Variants in PELI2 observed in about 807,000 individuals in gnomAD.
PELI2 encodes pellino E3 ubiquitin protein ligase family member 2, also known as E3 ubiquitin-protein ligase pellino homolog 2.
PELI2 carries 23 observed loss-of-function variants against 42.3 expected under a neutral mutation model. The ratio of observed to expected loss-of-function variants is 0.54; its 90% CI spans 0.39 to 0.77. The LOEUF (loss-of-function observed/expected upper bound fraction) is 0.77, where lower values mean the gene tolerates loss of function less well. Ranked by LOEUF, PELI2 falls within the 30% of genes least tolerant of loss-of-function variation. PELI2 has a pLI of 0.00. For missense variants in PELI2, 463 were observed against 553.2 expected (o/e 0.84, Z 1.64); for synonymous variants, 245 against 212.2 (o/e 1.15, Z -1.34).
intron 2 of PELI2, among the ~76,000 whole-genome samples, chr14:56,246,158 C>T (rs979099949): frequency 3.3e-5 from 5 of 152,130 alleles, no homozygotes; most frequent in African/African-American, 1.2e-4. Flanking sequence ...CTGGTGCGTT[C>T]TCCATGTACT....
chr14:56,286,484 T>C (rs1375049865), intron 3 of PELI2, among the ~76,000 whole-genome samples: 5 of 152,176 alleles, frequency 3.3e-5, no homozygotes, highest in African/African-American at 9.7e-5. Context: ...TTTAACATGC[T>C]GAATGGAGCA....
chr14:56,270,288 C>T (rs552944029), intron 2 of PELI2, among the ~76,000 whole-genome samples: 9 of 152,280 alleles, frequency 5.9e-5, no homozygotes, highest in East Asian at 5.8e-4. Flanking sequence ...GCCATGGTTC[C>T]GGCGCTTGTT....
intron 1 of PELI2, among the ~76,000 whole-genome samples, chr14:56,174,155 G>A (rs541944493): frequency 1.3e-5 from 2 of 152,124 alleles, no homozygotes; most frequent in Non-Finnish European, 1.5e-5. Flanking sequence ...CACCCGCCTC[G>A]GCCTCCCAAA....
rs137902572 is a variant in PELI2 at position 56,167,041 on chromosome 14, A to G, written c.78-11294A>G. On this transcript the variant is annotated intron_variant, in intron 1 of 5. Transcript: ENST00000267460. ...CCTGACCTCATGATCCGCCCGCCTC[A>G]GCCTCCCAAAATGCTGGGATTACAG... is the stretch of plus-strand genomic sequence containing the variant. Among the ~76,000 whole-genome samples, 1,189 of 152,238 alleles carry G rather than the reference A, an allele frequency of 7.8e-3. 17 individuals carry two copies. Among genetic ancestry groups the G allele is most frequent in the African/African-American group, 0.027 (1,112 of 41,548 alleles).
At chr14:56,292,916 A>G (rs895914461) in intron 5 of PELI2, 8 of 658,062 alleles carry the variant, frequency 1.2e-5, no homozygotes, top group Non-Finnish European at 1.5e-5. Context: ...ATTTAATTAA[A>G]TTATATATGA....
intron 1 of PELI2, among the ~76,000 whole-genome samples, chr14:56,130,653 G>A (rs1883451653): frequency 6.6e-6 from 1 of 151,914 alleles, no homozygotes; most frequent in Non-Finnish European, 1.5e-5. Flanking sequence ...AAAATTAAAT[G>A]TCTGTTTTTG....
chr14:56,279,789 C>T lies in PELI2; in HGVS notation c.309+12C>T. 7.0e-7 allele frequency: 1 copy of T among 1,424,032 alleles called. No individual in the cohort carries two copies. The highest frequency in any genetic ancestry group is 1.2e-5 in the South Asian group (1 of 81,226). 88.2% of individuals were successfully genotyped at this position (1,424,032 alleles called of 1,614,324 possible). On this transcript the variant is annotated intron_variant, in intron 3 of 5. Coordinates refer to ENST00000267460, the MANE Select transcript of PELI2 (RefSeq NM_021255.3). ...CGGATATGTTTCAGGTAATATTTTT[C>T]TTTTTTAATAGAAATTTTAGCACGT...
intron 2 of PELI2, among the ~76,000 whole-genome samples, chr14:56,235,097 T>C (rs12886482): frequency 0.4 from 61,242 of 151,976 alleles, 13,060 homozygotes; most frequent in South Asian, 0.53. Context: ...TCATCTCTAC[T>C]TCAAAGTTTA....
chr14:56,251,437 G>A (rs978344038), intron 2 of PELI2, among the ~76,000 whole-genome samples: 2 of 152,208 alleles, frequency 1.3e-5, no homozygotes, highest in Non-Finnish European at 2.9e-5. Context: ...AAGTGTTCTA[G>A]TACGCGAAGC....
chr14:56,209,502 A>T (rs11158080), intron 2 of PELI2, among the ~76,000 whole-genome samples: 61,284 of 152,038 alleles, frequency 0.4, 13,056 homozygotes, highest in South Asian at 0.53. Flanking sequence ...CTTCCAGTAA[A>T]TTGTTTTCAT....
At chr14:56,123,930 G>A (rs1420242954) in intron 1 of PELI2, among the ~76,000 whole-genome samples, 6 of 152,200 alleles carry the variant, frequency 3.9e-5, no homozygotes, top group South Asian at 2.1e-4. Context: ...ATATGGGGTT[G>A]TAGGTTGGCT....
intron 1 of PELI2, among the ~76,000 whole-genome samples, chr14:56,153,970 A>G (rs1241747131): frequency 2.0e-5 from 3 of 152,226 alleles, no homozygotes. Flanking sequence ...ATACTGTACC[A>G]TTAGAAATTA....
intron 1 of PELI2, among the ~76,000 whole-genome samples, chr14:56,119,477 C>T (rs1447654071): frequency 6.6e-6 from 1 of 152,130 alleles, no homozygotes; most frequent in African/African-American, 2.4e-5. Context: ...TCGCTGATGC[C>T]CTCCCGGCTG....
rs560644863 is a variant in PELI2 at position 56,279,750 on chromosome 14, A to T, written c.282A>T (p.Thr94=). The T allele has an allele frequency of 7.5e-6, 12 of 1,591,156 alleles. No homozygotes were observed. In the East Asian group the frequency reaches 2.0e-4, roughly 27 times the overall value. The stretch of plus-strand genomic sequence containing the variant: ...ATCAGACTGTGGTGGTGGAGTACAC[A>T]CATGATAAGGATACGGATATGTTTC... ...SRNQTVVVEY[T]HDKDTDMFQV... The change falls in exon 3 of 6, where the codon ACA becomes ACT. Residue 94 remains threonine (T), a synonymous_variant. Transcript: ENST00000267460.
At chr14:56,188,502 TG>T (rs1429619729) in intron 2 of PELI2, among the ~76,000 whole-genome samples, 1 of 152,246 alleles carries the variant, frequency 6.6e-6, no homozygotes, top group African/African-American at 2.4e-5. Context: ...ATTGAAAACT[TG>T]GTTTTTAGCC....
intron 1 of PELI2, among the ~76,000 whole-genome samples, chr14:56,135,191 G>A (rs1460622763): frequency 2.0e-5 from 3 of 152,172 alleles, no homozygotes; most frequent in African/African-American, 7.2e-5. Context: ...GTGTGCTGCC[G>A]CGTGAGGGCC....
chr14:56,123,294 T>C (rs888343112), intron 1 of PELI2, among the ~76,000 whole-genome samples: 1 of 152,098 alleles, frequency 6.6e-6, no homozygotes, highest in African/African-American at 2.4e-5. Context: ...CCTTCAAATA[T>C]ACCCTAACAC....
chr14:56,235,072 A>G (rs1887740436), intron 2 of PELI2, among the ~76,000 whole-genome samples: 1 of 152,198 alleles, frequency 6.6e-6, no homozygotes, highest in South Asian at 2.1e-4. Context: ...TAGGAAGTAT[A>G]TCAGGAAAAA....
At chr14:56,255,894 T>C (rs1207932934) in intron 2 of PELI2, among the ~76,000 whole-genome samples, 1 of 152,170 alleles carries the variant, frequency 6.6e-6, no homozygotes, top group Non-Finnish European at 1.5e-5. Flanking sequence ...ACCTTGAACA[T>C]GGCTAGTCCC....
Sources: gnomAD v4.1 joint callset for allele counts (sites outside exome capture counted in the v4.1 genomes callset) on GRCh38, gnomAD v4.1.1 for gene constraint, MANE v1.5 for transcripts, NCBI Gene and HGNC (gene_info 2026-07-23, HGNC 2026-07-21) for gene names.